The following RGSL1 variants were observed in gnomAD, a reference collection of about 807,000 sequenced individuals.
RGSL1 encodes the protein regulator of G protein signaling like 1, also known as regulator of G protein signaling protein-like.
Under a neutral mutation model 124.7 loss-of-function variants are expected in RGSL1, and 97 were observed. The ratio of observed to expected loss-of-function variants is 0.78; its 90% CI spans 0.66 to 0.92. The LOEUF (loss-of-function observed/expected upper bound fraction) is 0.92, where lower values mean the gene tolerates loss of function less well. Among genes scored for constraint, RGSL1 ranks in the 40% least tolerant of loss-of-function variants. The pLI, the probability that RGSL1 is intolerant of heterozygous loss-of-function variation, is 0.00. For missense variants in RGSL1, 1,233 were observed against 1,288.4 expected, an observed-to-expected ratio of 0.96 and a Z score of 0.66; for synonymous variants, 424 against 438.1, an observed-to-expected ratio of 0.97 and a Z score of 0.40.
chr1:182,539,375 A>C (rs1185219951), intron 14 of RGSL1, among the ~76,000 whole-genome samples: 2 of 152,182 alleles, frequency 1.3e-5, no homozygotes, highest in African/African-American at 4.8e-5. Flanking sequence ...GGTCAAGCAC[A>C]GTGTCTGAGA....
chr1:182,517,246 G>A (rs1657964731), intron 9 of RGSL1, among the ~76,000 whole-genome samples: 1 of 150,556 alleles, frequency 6.6e-6, no homozygotes, highest in South Asian at 2.1e-4. Flanking sequence ...ATGAACTGGA[G>A]GTCCTTTATA....
intron 10 of RGSL1, among the ~76,000 whole-genome samples, chr1:182,522,772 C>G (rs1658442636): frequency 6.6e-6 from 1 of 152,138 alleles, no homozygotes; most frequent in South Asian, 2.1e-4. Context: ...TTTATATGTA[C>G]TACTTTTTAC....
chr1:182,450,247 A>G, intron 1 of RGSL1, 69 bp downstream of exon 1: 1 of 1,528,184 alleles, frequency 6.5e-7, no homozygotes, highest in Non-Finnish European at 8.9e-7. Context: ...TCATCTTCCC[A>G]ATTGTTAATA....
chr1:182,544,060 T>C (rs1162646308), intron 15 of RGSL1, among the ~76,000 whole-genome samples: 1 of 152,086 alleles, frequency 6.6e-6, no homozygotes, highest in East Asian at 1.9e-4. Context: ...TGGTTTGTTC[T>C]TGTTTTTTAG....
chr1:182,521,535 A>T (rs1465485721), intron 9 of RGSL1, among the ~76,000 whole-genome samples: 1 of 152,222 alleles, frequency 6.6e-6, no homozygotes, highest in Non-Finnish European at 1.5e-5. Flanking sequence ...AAACAAGAAG[A>T]TGGAGGGAAC....
chr1:182,463,515 A>G lies in RGSL1; in HGVS notation c.301+3382A>G, dbSNP rs75640118. Among the ~76,000 whole-genome samples, 427 of 152,266 alleles carry G rather than the reference A, an allele frequency of 2.8e-3. 6 individuals carry two copies. Among genetic ancestry groups the G allele is most frequent in the African/African-American group, 9.9e-3 (412 of 41,570 alleles). ...AGAAAGCAGGGGTGCCTATAATGAT[A>G]TCAGACAAAATAGACTTTATTTAAT... On this transcript the variant is annotated intron_variant, in intron 4 of 21. Coordinates refer to ENST00000294854, the MANE Select transcript of RGSL1 (RefSeq NM_001137669.2).
At chr1:182,496,728 A>G (rs991961093) in intron 9 of RGSL1, among the ~76,000 whole-genome samples, 2 of 152,214 alleles carry the variant, frequency 1.3e-5, no homozygotes, top group African/African-American at 4.8e-5. Context: ...ATATTTCAGA[A>G]AAGTATTTTC....
At chr1:182,547,720 G>C in intron 15 of RGSL1, among the ~76,000 whole-genome samples, 1 of 152,094 alleles carries the variant, frequency 6.6e-6, no homozygotes, top group East Asian at 1.9e-4. Context: ...AATTAGCCAG[G>C]TGTGGTGGCA....
chr1:182,477,943 C>G (rs779681281), intron 6 of RGSL1, among the ~76,000 whole-genome samples: 15 of 152,060 alleles, frequency 9.9e-5, no homozygotes, highest in Middle Eastern at 3.2e-3. Context: ...TGTAATATCA[C>G]CAAAGGAAAT....
At chr1:182,455,442 C>T (rs1480733415) in intron 2 of RGSL1, among the ~76,000 whole-genome samples, 7 of 151,996 alleles carry the variant, frequency 4.6e-5, no homozygotes, top group Middle Eastern at 3.4e-3. Context: ...ATTAGCCGGG[C>T]GTGGTGGCGG....
chr1:182,540,515 G>A lies in RGSL1; in HGVS notation c.2669+94G>A. The A allele has an allele frequency of 4.5e-6, 5 of 1,104,860 alleles. No homozygotes were observed. In the South Asian group the frequency reaches 6.8e-5, roughly 15 times the overall value. The allele number at this position is 1,104,860 out of a possible 1,614,324, so 68.4% of individuals were successfully genotyped here. ...ACTGGCTTGATCTGTTAGAGATACA[G>A]TGATTTCAGACCTGTCCAGTAAGAG... On this transcript the variant is annotated intron_variant, in intron 15 of 21. Coordinates refer to ENST00000294854, the MANE Select transcript of RGSL1 (RefSeq NM_001137669.2).
At chr1:182,521,168 CA>C (rs1658304391) in intron 9 of RGSL1, among the ~76,000 whole-genome samples, 1 of 152,184 alleles carries the variant, frequency 6.6e-6, no homozygotes, top group Non-Finnish European at 1.5e-5. Context: ...CTCCTGGGCT[CA>C]ACTGATCTTC....
chr1:182,482,245 A>C (rs1654763158), intron 6 of RGSL1, among the ~76,000 whole-genome samples: 1 of 152,172 alleles, frequency 6.6e-6, no homozygotes, highest in Non-Finnish European at 1.5e-5. Flanking sequence ...CCACACAATA[A>C]AGGCCATTTA....
chr1:182,540,238 C>A lies in RGSL1; in HGVS notation c.2495-9C>A. ...ACAAAATTGTAATTCCTTCTTCTTT[C>A]TCTCTCAGATTTCACCACAGCACAC... On this transcript the variant is annotated splice_polypyrimidine_tract_variant and intron_variant, in intron 14 of 21. Transcript: ENST00000294854. 6.5e-7 allele frequency: 1 copy of A among 1,530,326 alleles called. No homozygotes were observed. The allele number at this position is 1,530,326 out of a possible 1,614,324, so 94.8% of individuals were successfully genotyped here.
rs1263163641 is a variant in RGSL1 at position 182,551,186 on chromosome 1, A to G, written c.3020A>G (p.Asp1007Gly). 2 of 1,551,334 alleles carry G rather than the reference A, an allele frequency of 1.3e-6. No individual in the cohort carries two copies. Among genetic ancestry groups the G allele is most frequent in the Non-Finnish European group, 1.7e-6 (2 of 1,146,790 alleles). Residue 1007 changes from aspartate (D) to glycine (G), a missense_variant, in exon 18 of 22, where the codon GAC becomes GGC. Coordinates refer to ENST00000294854, the MANE Select transcript of RGSL1 (RefSeq NM_001137669.2). ...AGAAAAAGCCCTCCTAAATCTACGG[A>G]CAAGTATCCTTTCTCGAGTGGAGGT... ...KDRKSPPKSTDKYPFSSGGDN... is the reference protein window; with the variant it reads ...KDRKSPPKSTGKYPFSSGGDN...
chr1:182,479,310 T>C (rs1654524184), intron 6 of RGSL1, among the ~76,000 whole-genome samples: 1 of 151,990 alleles, frequency 6.6e-6, no homozygotes, highest in Non-Finnish European at 1.5e-5. Flanking sequence ...AAACACAATA[T>C]AGAAAAAATA....
chr1:182,553,009 A>G (rs1571721916), intron 18 of RGSL1, among the ~76,000 whole-genome samples: 1 of 152,154 alleles, frequency 6.6e-6, no homozygotes, highest in Non-Finnish European at 1.5e-5. Context: ...GGTTCAAGCA[A>G]TTCTCCTGCC....
rs1413323705 is a variant in RGSL1, at chr1:182,474,361, A to G, written c.1250A>G (p.Lys417Arg). The part of the protein sequence containing the change: ...QHFLSVLLNN[K>R]KNGNAIFRHL... ...TTCCTCAGTGTCCTTCTGAATAACA[A>G]AAAGAATGGGAATGCAATCTTTCGT... The change falls in exon 6 of 22, where the codon AAA becomes AGA. Residue 417 changes from lysine to arginine, a missense_variant. Coordinates refer to ENST00000294854, the MANE Select transcript of RGSL1 (RefSeq NM_001137669.2). 6.4e-7 allele frequency: 1 copy of G among 1,551,902 alleles called. No homozygotes were observed. Among genetic ancestry groups the G allele is most frequent in the East Asian group, 2.4e-5 (1 of 40,922 alleles).
At position 182,493,006 on chromosome 1, in the gene RGSL1, T is replaced by G; in HGVS notation, c.1718-16T>G. ...TGGACAACTAAACTCTATCTCTGTT[T>G]TTCCTTACTTCACAGACATAACTAA... On this transcript the variant is annotated splice_polypyrimidine_tract_variant and intron_variant, in intron 8 of 21. Coordinates refer to ENST00000294854, the MANE Select transcript of RGSL1 (RefSeq NM_001137669.2). 6.7e-7 allele frequency: 1 copy of G among 1,497,146 alleles called. No individual in the cohort carries two copies. Among genetic ancestry groups the G allele is most frequent in the Non-Finnish European group, 9.1e-7 (1 of 1,097,278 alleles). The allele number at this position is 1,497,146 out of a possible 1,614,324, so 92.7% of individuals were successfully genotyped here.
Sources: allele counts gnomAD v4.1 joint callset (sites outside exome capture counted in the v4.1 genomes callset), GRCh38; gene constraint gnomAD v4.1.1; transcripts MANE v1.5; gene names NCBI Gene and HGNC (gene_info 2026-07-23, HGNC 2026-07-21).